CAMK1D: variants seen among roughly 807,000 people sequenced by gnomAD.
CAMK1D encodes the protein calcium/calmodulin dependent protein kinase ID.
CAMK1D carries 9 observed loss-of-function variants against 47.7 expected under a neutral mutation model. The observed-to-expected ratio is 0.19, with a 90% CI of 0.11 to 0.33. The LOEUF is 0.33. CAMK1D is among the 10% of genes least tolerant of loss of function. The pLI is 1.00. For missense variants in CAMK1D, 291 were observed against 488.7 expected (o/e 0.60, Z 3.81); for synonymous variants, 184 against 184.9 (o/e 0.99, Z 0.04).
intron 3 of CAMK1D, among the ~76,000 whole-genome samples, chr10:12,753,793 C>A (rs879665687): frequency 9.2e-5 from 14 of 152,258 alleles, no homozygotes; most frequent in Admixed American, 9.2e-4. Context: ...TGGCTGCTTT[C>A]ACTGGTTCCC....
chr10:12,758,278 T>A (rs540847653), intron 3 of CAMK1D, among the ~76,000 whole-genome samples: 1 of 152,224 alleles, frequency 6.6e-6, no homozygotes, highest in Non-Finnish European at 1.5e-5. Flanking sequence ...TCCATAACAG[T>A]ACCATAGGTT....
chr10:12,495,170 C>T (rs1460020523), intron 1 of CAMK1D, among the ~76,000 whole-genome samples: 1 of 152,176 alleles, frequency 6.6e-6, no homozygotes, highest in Non-Finnish European at 1.5e-5. Context: ...GCAAGCACAT[C>T]TTGTCATTGT....
chr10:12,470,270 T>C (rs7900824), intron 1 of CAMK1D, among the ~76,000 whole-genome samples: 64,085 of 151,936 alleles, frequency 0.42, 14,077 homozygotes, highest in Non-Finnish European at 0.48. Flanking sequence ...TTCCTTTGTA[T>C]GATATATAAA....
chr10:12,801,854 T>C (rs1472897160), intron 6 of CAMK1D, among the ~76,000 whole-genome samples: 1 of 152,220 alleles, frequency 6.6e-6, no homozygotes, highest in African/African-American at 2.4e-5. Flanking sequence ...ATTCACTGAA[T>C]AAACTGGACT....
At chr10:12,764,126 A>G (rs578007817) in intron 4 of CAMK1D, among the ~76,000 whole-genome samples, 1 of 152,308 alleles carries the variant, frequency 6.6e-6, no homozygotes, top group South Asian at 2.1e-4. Flanking sequence ...CACGCCTGTA[A>G]TCCCAGCACT....
At chr10:12,796,375 C>G (rs1838195678) in intron 6 of CAMK1D, among the ~76,000 whole-genome samples, 1 of 152,166 alleles carries the variant, frequency 6.6e-6, no homozygotes, top group South Asian at 2.1e-4. Context: ...CTACATTGCT[C>G]ACTTTTTAAA....
intron 3 of CAMK1D, among the ~76,000 whole-genome samples, chr10:12,729,652 A>G (rs567620798): frequency 4.4e-4 from 67 of 152,306 alleles, no homozygotes; most frequent in South Asian, 1.7e-3. Context: ...TTGTTTTTAA[A>G]AAGGATTAAG....
At chr10:12,476,023 T>C (rs1833891578) in intron 1 of CAMK1D, among the ~76,000 whole-genome samples, 1 of 151,798 alleles carries the variant, frequency 6.6e-6, no homozygotes, top group South Asian at 2.1e-4. Context: ...CCGGGTGGGG[T>C]GGCTCATGCC....
intron 1 of CAMK1D, among the ~76,000 whole-genome samples, chr10:12,484,644 C>T (rs930707864): frequency 6.6e-6 from 1 of 152,182 alleles, no homozygotes; most frequent in Admixed American, 6.5e-5. Flanking sequence ...ACGGGGACCA[C>T]TCAGCAGTGG....
At chr10:12,528,967 C>G (rs1163335205) in intron 1 of CAMK1D, among the ~76,000 whole-genome samples, 6 of 150,244 alleles carry the variant, frequency 4.0e-5, no homozygotes, top group African/African-American at 1.5e-4. Context: ...GTCTTGAACT[C>G]CTGGACTTGA....
intron 2 of CAMK1D, among the ~76,000 whole-genome samples, chr10:12,630,927 G>C (rs74397151): frequency 6.6e-6 from 1 of 152,132 alleles, no homozygotes; most frequent in Non-Finnish European, 1.5e-5. Context: ...ATTGCCTTAT[G>C]ATCCTCAGGA....
intron 3 of CAMK1D, among the ~76,000 whole-genome samples, chr10:12,703,532 A>T (rs1383810962): frequency 6.6e-6 from 1 of 152,196 alleles, no homozygotes; most frequent in East Asian, 1.9e-4. Flanking sequence ...GCTCTGTCAA[A>T]CAGCAGCAGC....
intron 1 of CAMK1D, among the ~76,000 whole-genome samples, chr10:12,394,131 CAG>C (rs1838850732): frequency 6.6e-6 from 1 of 152,194 alleles, no homozygotes; most frequent in African/African-American, 2.4e-5. Flanking sequence ...TAATGGCTCA[CAG>C]AATCTAGGGA....
At chr10:12,825,499 A>G in intron 9 of CAMK1D, 74 bp from the exon 10 acceptor site, 1 of 1,425,394 alleles carries the variant, frequency 7.0e-7, no homozygotes, top group East Asian at 2.3e-5. Context: ...AATGTGATAA[A>G]CAAGAGAACA....
intron 2 of CAMK1D, among the ~76,000 whole-genome samples, chr10:12,574,362 T>C (rs1255382329): frequency 6.6e-6 from 1 of 151,450 alleles, no homozygotes; most frequent in African/African-American, 2.4e-5. Flanking sequence ...AGTGCAGTGG[T>C]GCAATGTCAG....
chr10:12,801,719 CATCT>C (rs773158243), intron 6 of CAMK1D, among the ~76,000 whole-genome samples: 17 of 152,182 alleles, frequency 1.1e-4, no homozygotes, highest in Admixed American at 3.3e-4. Context: ...ATCAACCTAT[CATCT>C]ATCTATATCT....
chr10:12,504,119 G>T (rs528324167), intron 1 of CAMK1D, among the ~76,000 whole-genome samples: 1 of 143,572 alleles, frequency 7.0e-6, no homozygotes, highest in South Asian at 2.2e-4. Flanking sequence ...GTGTGTGTGT[G>T]TGTGTGTGTC....
intron 5 of CAMK1D, among the ~76,000 whole-genome samples, chr10:12,774,495 G>A (rs1837188915): frequency 6.6e-6 from 1 of 152,198 alleles, no homozygotes; most frequent in Admixed American, 6.5e-5. Flanking sequence ...GCAGGGGTAT[G>A]TGGACCAGGA....
intron 1 of CAMK1D, among the ~76,000 whole-genome samples, chr10:12,375,914 G>A (rs1014130663): frequency 7.2e-5 from 11 of 152,032 alleles, no homozygotes; most frequent in Non-Finnish European, 1.0e-4. Context: ...TATAATCCTA[G>A]CATTTTGGGA....
Sources: allele counts gnomAD v4.1 joint callset (sites outside exome capture counted in the v4.1 genomes callset), GRCh38; gene constraint gnomAD v4.1.1; transcripts MANE v1.5; gene names NCBI Gene and HGNC (gene_info 2026-07-23, HGNC 2026-07-21).